The following DAP variants were observed in gnomAD, a reference collection of about 807,000 sequenced individuals.
The protein encoded by DAP is death associated protein.
DAP carries 8 observed loss-of-function variants against 13.8 expected under a neutral mutation model. The observed-to-expected ratio is 0.58, with a 90% confidence interval of 0.34 to 1.05. The LOEUF is 1.05. Ranked by LOEUF, DAP falls within the 50% of genes least tolerant of loss-of-function variation. The pLI, the probability that DAP is intolerant of heterozygous loss-of-function variation, is 0.03. For missense variants in DAP, 106 were observed against 133.2 expected (o/e 0.80, Z 1.01); for synonymous variants, 47 against 47.5 (o/e 0.99, Z 0.04).
At chr5:10,714,608 T>C (rs1382427378) in intron 2 of DAP, among the ~76,000 whole-genome samples, 8 of 152,154 alleles carry the variant, frequency 5.3e-5, no homozygotes, top group Admixed American at 5.2e-4. Context: ...AGCATAGATA[T>C]GCAGATACAT....
chr5:10,735,268 G>A (rs1235122407), intron 2 of DAP, among the ~76,000 whole-genome samples: 2 of 152,108 alleles, frequency 1.3e-5, no homozygotes, highest in Non-Finnish European at 2.9e-5. Context: ...CCTGCCTGTC[G>A]TCATTGGTCT....
intron 2 of DAP, among the ~76,000 whole-genome samples, chr5:10,741,187 CA>C (rs35644711): frequency 0.58 from 87,849 of 151,862 alleles, 26,739 homozygotes; most frequent in Non-Finnish European, 0.68. Flanking sequence ...CTGGTCTCTA[CA>C]AAAAAAATTT....
chr5:10,698,814 C>A (rs1378861216), intron 2 of DAP, among the ~76,000 whole-genome samples: 1 of 152,162 alleles, frequency 6.6e-6, no homozygotes, highest in Non-Finnish European at 1.5e-5. Context: ...GAACAGTTTG[C>A]AAACCAGGGA....
chr5:10,757,345 G>T (rs915845213), intron 1 of DAP, among the ~76,000 whole-genome samples: 1 of 151,968 alleles, frequency 6.6e-6, no homozygotes, highest in Non-Finnish European at 1.5e-5. Context: ...TGTGATCCTG[G>T]CTCACCACAA....
At chr5:10,716,932 G>C (rs1435792562) in intron 2 of DAP, among the ~76,000 whole-genome samples, 2 of 152,102 alleles carry the variant, frequency 1.3e-5, no homozygotes, top group East Asian at 3.9e-4. Flanking sequence ...AATATGATTA[G>C]ACCCCAAAAT....
chr5:10,719,330 C>T (rs1739076084), intron 2 of DAP, among the ~76,000 whole-genome samples: 1 of 152,236 alleles, frequency 6.6e-6, no homozygotes. Flanking sequence ...GGCTGCTATG[C>T]AAGCTGCTCT....
intron 2 of DAP, among the ~76,000 whole-genome samples, chr5:10,738,914 G>A (rs1739683187): frequency 6.6e-6 from 1 of 152,132 alleles, no homozygotes; most frequent in African/African-American, 2.4e-5. Flanking sequence ...AGAAATGGGA[G>A]GAGCAGGGCT....
chr5:10,696,666 TAA>T (rs1388249006), intron 2 of DAP, among the ~76,000 whole-genome samples: 1 of 152,238 alleles, frequency 6.6e-6, no homozygotes, highest in Non-Finnish European at 1.5e-5. Flanking sequence ...GTTTCCTATG[TAA>T]AGACAGTCTA....
intron 2 of DAP, among the ~76,000 whole-genome samples, chr5:10,719,192 C>T (rs768867370): frequency 2.1e-4 from 32 of 152,198 alleles, no homozygotes; most frequent in Non-Finnish European, 3.2e-4. Flanking sequence ...CCTAGGGGGC[C>T]TATTTGGATT....
chr5:10,699,012 A>T (rs912404249), intron 2 of DAP, among the ~76,000 whole-genome samples: 2 of 152,212 alleles, frequency 1.3e-5, no homozygotes, highest in East Asian at 1.9e-4. Flanking sequence ...TGAGCTCTAA[A>T]AGTCCCAAAG....
intron 2 of DAP, among the ~76,000 whole-genome samples, chr5:10,721,711 C>G (rs779098570): frequency 6.6e-6 from 1 of 152,170 alleles, no homozygotes; most frequent in African/African-American, 2.4e-5. Flanking sequence ...TTGCTGAAGG[C>G]AAAGGGAATA....
At chr5:10,739,201 CAAAAAAAAAA>C (rs10644743) in intron 2 of DAP, among the ~76,000 whole-genome samples, 2 of 71,604 alleles carry the variant, frequency 2.8e-5, no homozygotes, top group Admixed American at 2.3e-4. Context: ...GACTCTGAAT[CAAAAAAAAAA>C]AAAAAAAAAA....
At chr5:10,722,444 G>C (rs986158868) in intron 2 of DAP, among the ~76,000 whole-genome samples, 9 of 151,808 alleles carry the variant, frequency 5.9e-5, no homozygotes, top group African/African-American at 9.7e-5. Flanking sequence ...AGCCTACTGT[G>C]GGACCTTGTA....
In DAP at chr5:10,704,722, T is replaced by C. The variant is rs1254945639; in HGVS notation, c.153-21151A>G. ...TAATAGAACTGAGCACCAACACCTG[T>C]CTTCTGTTTGTGTGGCCTTTCACTG... On this transcript the variant is annotated intron_variant, in intron 2 of 3. Transcript: ENST00000230895. 5.9e-5 allele frequency among the ~76,000 whole-genome samples: 9 copies of C among 152,244 alleles called. No homozygotes were observed. The East Asian group carries it at 1.7e-3, about 29-fold the overall frequency.
intron 1 of DAP, among the ~76,000 whole-genome samples, chr5:10,753,187 G>A (rs552305881): frequency 4.3e-4 from 65 of 152,336 alleles, no homozygotes; most frequent in African/African-American, 1.5e-3. Context: ...ACCACTTGGA[G>A]TCCACGCATC....
chr5:10,713,141 G>C (rs1016770715), intron 2 of DAP, among the ~76,000 whole-genome samples: 1 of 152,154 alleles, frequency 6.6e-6, no homozygotes, highest in African/African-American at 2.4e-5. Context: ...AACTCCACAG[G>C]CAACCTTCCC....
At chr5:10,746,845 G>C (rs1287724904) in intron 2 of DAP, among the ~76,000 whole-genome samples, 1 of 152,182 alleles carries the variant, frequency 6.6e-6, no homozygotes, top group Non-Finnish European at 1.5e-5. Context: ...CTTAGAAGCA[G>C]ACAGGCAGGG....
chr5:10,695,985 T>TG (rs748350726), intron 2 of DAP, among the ~76,000 whole-genome samples: 2 of 152,242 alleles, frequency 1.3e-5, no homozygotes, highest in South Asian at 4.1e-4. Flanking sequence ...AGCCACAGAC[T>TG]GGGAGTCTGG....
intron 2 of DAP, among the ~76,000 whole-genome samples, chr5:10,719,731 T>C (rs1184013819): frequency 6.6e-6 from 1 of 152,196 alleles, no homozygotes; most frequent in Non-Finnish European, 1.5e-5. Context: ...GTAAGTTACA[T>C]GAGGAAGTGG....
Sources: gnomAD v4.1 joint callset for allele counts (sites outside exome capture counted in the v4.1 genomes callset) on GRCh38, gnomAD v4.1.1 for gene constraint, MANE v1.5 for transcripts, NCBI Gene and HGNC (gene_info 2026-07-23, HGNC 2026-07-21) for gene names.